PTPRD: variants seen among roughly 807,000 people sequenced by gnomAD.
The protein encoded by PTPRD is receptor-type tyrosine-protein phosphatase delta.
PTPRD carries 34 observed loss-of-function variants against 214.5 expected under a neutral mutation model. The ratio of observed to expected loss-of-function variants is 0.16; its 90% CI spans 0.12 to 0.21. The LOEUF (loss-of-function observed/expected upper bound fraction) is 0.21. Among genes scored for constraint, PTPRD ranks in the 10% least tolerant of loss-of-function variants. The probability of loss-of-function intolerance (pLI) is 1.00; values close to 1 mark genes in which losing one functional copy is unlikely to be tolerated. For missense variants in PTPRD, 2,545 were observed against 2,398.7 expected (o/e 1.06, Z -1.27); for synonymous variants, 1,128 against 845.7 (o/e 1.33, Z -5.79).
At chr9:10,260,071 T>C (rs1456379631) in intron 3 of PTPRD, among the ~76,000 whole-genome samples, 1 of 152,190 alleles carries the variant, frequency 6.6e-6, no homozygotes, top group Non-Finnish European at 1.5e-5. Flanking sequence ...AGCTCCCTAC[T>C]ACACTAAAAC....
intron 3 of PTPRD, among the ~76,000 whole-genome samples, chr9:10,295,528 G>A (rs552194164): frequency 1.8e-4 from 27 of 152,104 alleles, no homozygotes; most frequent in African/African-American, 5.3e-4. Flanking sequence ...TAGGTTCTCC[G>A]ATTACTCCCT....
rs149336901 is a variant in PTPRD, at chr9:10,017,374, G to A, written c.-472+16344C>T. The stretch of plus-strand genomic sequence containing the variant: ...ATGTGTTGCATATATTTAATTTTTT[G>A]GCTTTACTAATTTTCTTTATGGACT... On this transcript the variant is annotated intron_variant, in intron 4 of 45. Coordinates refer to ENST00000381196, the MANE Select transcript of PTPRD (RefSeq NM_002839.4). Among the ~76,000 whole-genome samples, 44 of 151,036 alleles carry A rather than the reference G, an allele frequency of 2.9e-4. No individual in the cohort carries two copies. In the East Asian group the frequency reaches 8.4e-3, roughly 29 times the overall value.
intron 2 of PTPRD, among the ~76,000 whole-genome samples, chr9:10,434,966 T>A (rs191670324): frequency 2.6e-5 from 4 of 151,904 alleles, no homozygotes; most frequent in Non-Finnish European, 5.9e-5. Flanking sequence ...CCCCGAGCGC[T>A]GGACTAGGAA....
intron 8 of PTPRD, among the ~76,000 whole-genome samples, chr9:9,404,225 G>C (rs1251216784): frequency 1.3e-5 from 2 of 152,058 alleles, no homozygotes; most frequent in Admixed American, 6.6e-5. Context: ...TTAAGAAGTT[G>C]AGTGACATTA....
chr9:9,246,112 T>G (rs2099972952), intron 9 of PTPRD, among the ~76,000 whole-genome samples: 1 of 152,044 alleles, frequency 6.6e-6, no homozygotes, highest in African/African-American at 2.4e-5. Flanking sequence ...GGAATGGGGG[T>G]GACTTTCAAC....
At chr9:9,455,399 C>T (rs1168805622) in intron 8 of PTPRD, among the ~76,000 whole-genome samples, 1 of 151,348 alleles carries the variant, frequency 6.6e-6, no homozygotes, top group African/African-American at 2.4e-5. Context: ...TTTTTATATA[C>T]AATATTATAT....
intron 3 of PTPRD, among the ~76,000 whole-genome samples, chr9:10,247,922 C>A (rs1161033038): frequency 1.3e-5 from 2 of 151,966 alleles, no homozygotes; most frequent in East Asian, 1.9e-4. Context: ...ATGGGAGGGA[C>A]CCAGTGATAG....
intron 4 of PTPRD, among the ~76,000 whole-genome samples, chr9:9,971,237 C>T (rs2095081433): frequency 6.6e-6 from 1 of 152,054 alleles, no homozygotes; most frequent in Non-Finnish European, 1.5e-5. Flanking sequence ...AGTAATTCTT[C>T]AGTCTGAGTG....
chr9:10,598,378 C>T (rs909484665), intron 2 of PTPRD, among the ~76,000 whole-genome samples: 1 of 151,796 alleles, frequency 6.6e-6, no homozygotes, highest in East Asian at 1.9e-4. Flanking sequence ...CTCACCAATA[C>T]AGCAAATGCA....
At chr9:8,324,244 T>A (rs1185360868) in intron 44 of PTPRD, among the ~76,000 whole-genome samples, 1 of 151,890 alleles carries the variant, frequency 6.6e-6, no homozygotes, top group Non-Finnish European at 1.5e-5. Context: ...ATGCTATCCC[T>A]CCCCCAGGCC....
At chr9:9,575,775 G>GAA (rs1461191003) in intron 7 of PTPRD, among the ~76,000 whole-genome samples, 307 of 60,086 alleles carry the variant, frequency 5.1e-3, no homozygotes, top group African/African-American at 0.018. Context: ...AAAAGAAAAA[G>GAA]AAAGAAAAAG....
chr9:8,342,151 T>C (rs1429781329), intron 39 of PTPRD, among the ~76,000 whole-genome samples, 173 bp from the exon 40 acceptor site: 1 of 152,082 alleles, frequency 6.6e-6, no homozygotes, highest in Non-Finnish European at 1.5e-5. Context: ...CTAGGCACCA[T>C]AATCAGAGGA....
At chr9:9,452,969 G>C (rs928155263) in intron 8 of PTPRD, among the ~76,000 whole-genome samples, 1 of 149,886 alleles carries the variant, frequency 6.7e-6, no homozygotes, top group Non-Finnish European at 1.5e-5. Context: ...GACTTCATAT[G>C]ATTTTTCTGT....
intron 9 of PTPRD, among the ~76,000 whole-genome samples, chr9:9,269,245 A>T (rs927567133): frequency 2.0e-5 from 3 of 151,442 alleles, no homozygotes; most frequent in Admixed American, 2.0e-4. Flanking sequence ...GTTAATAGGC[A>T]TATGAGACAG....
chr9:8,324,936 T>G (rs1469527289), intron 44 of PTPRD, among the ~76,000 whole-genome samples: 1 of 152,172 alleles, frequency 6.6e-6, no homozygotes, highest in Non-Finnish European at 1.5e-5. Context: ...TCGCCCACTT[T>G]TTGATGAGGT....
chr9:9,132,144 G>A (rs1240967279), intron 10 of PTPRD, among the ~76,000 whole-genome samples: 3 of 152,068 alleles, frequency 2.0e-5, no homozygotes, highest in African/African-American at 7.2e-5. Flanking sequence ...AGTAGCTGGG[G>A]CTACAGGCGC....
At chr9:8,425,611 G>A (rs998976839) in intron 35 of PTPRD, among the ~76,000 whole-genome samples, 2 of 152,042 alleles carry the variant, frequency 1.3e-5, no homozygotes, top group Non-Finnish European at 2.9e-5. Context: ...GAAGACTCTC[G>A]TCAATATTGT....
At chr9:10,529,417 C>T (rs2055420682) in intron 2 of PTPRD, among the ~76,000 whole-genome samples, 1 of 151,958 alleles carries the variant, frequency 6.6e-6, no homozygotes, top group African/African-American at 2.4e-5. Context: ...ATGTTTTTTG[C>T]AGGGACATGG....
intron 9 of PTPRD, among the ~76,000 whole-genome samples, chr9:9,306,100 G>A (rs1957042754): frequency 6.6e-6 from 1 of 152,148 alleles, no homozygotes. Flanking sequence ...CAGGAAATAT[G>A]AAGATAAGAA....
Sources: gnomAD v4.1 joint callset for allele counts (sites outside exome capture counted in the v4.1 genomes callset) on GRCh38, gnomAD v4.1.1 for gene constraint, MANE v1.5 for transcripts, NCBI Gene and HGNC (gene_info 2026-07-23, HGNC 2026-07-21) for gene names.